Variants in LIPC observed in about 807,000 individuals in gnomAD.
The protein encoded by LIPC is lipase C, hepatic type, also known as hepatic triacylglycerol lipase.
In LIPC, 44 loss-of-function variants were observed where a neutral mutation model predicts 50.7. That is an observed-to-expected ratio of 0.87 (90% CI 0.68 to 1.11). LIPC has a LOEUF of 1.11. Ranked by LOEUF, LIPC falls within the 50% of genes most tolerant of loss-of-function variation. LIPC has a pLI of 0.00. For missense variants in LIPC, 697 were observed against 648.2 expected, an observed-to-expected ratio of 1.08 and a Z score of -0.82; for synonymous variants, 271 against 256.4, an observed-to-expected ratio of 1.06 and a Z score of -0.54.
intron 4 of LIPC, 97 bp from the exon 5 acceptor site, chr15:58,545,645 A>C: frequency 1.0e-6 from 1 of 995,436 alleles, no homozygotes; most frequent in South Asian, 1.4e-5. Flanking sequence ...TCTTCCTGCT[A>C]GTTCACTGAT....
At chr15:58,495,627 G>A (rs988748878) in intron 1 of LIPC, among the ~76,000 whole-genome samples, 8 of 152,330 alleles carry the variant, frequency 5.3e-5, no homozygotes, top group Admixed American at 3.3e-4. Context: ...TGAGGAAATT[G>A]AGGCTCAGAG....
chr15:58,449,780 T>TC lies in LIPC; in HGVS notation c.88+17666dup, dbSNP rs545164891. ...GTCTTGAACTCCTGACTTCAAGAGA[T>TC]CCCCCCTCCTCGGACTCCCAAAGTG... On this transcript the variant is annotated intron_variant, in intron 1 of 8. Transcript: ENST00000299022. Among the ~76,000 whole-genome samples, 309 of 152,218 alleles carry TC rather than the reference T, an allele frequency of 2.0e-3. 2 individuals are homozygous for TC. Among genetic ancestry groups the TC allele is most frequent in the African/African-American group, 6.8e-3 (281 of 41,524 alleles).
At chr15:58,535,305 G>A (rs1413867178) in intron 1 of LIPC, among the ~76,000 whole-genome samples, 1 of 152,190 alleles carries the variant, frequency 6.6e-6, no homozygotes, top group Non-Finnish European at 1.5e-5. Flanking sequence ...AGGGGGCCTG[G>A]GGCATAATAC....
chr15:58,513,931 A>G (rs1892409350), intron 1 of LIPC, among the ~76,000 whole-genome samples: 1 of 152,216 alleles, frequency 6.6e-6, no homozygotes, highest in African/African-American at 2.4e-5. Flanking sequence ...GCCTTTGCCA[A>G]GTTCACCCAG....
chr15:58,497,509 G>A (rs531706861), intron 1 of LIPC, among the ~76,000 whole-genome samples: 20 of 152,286 alleles, frequency 1.3e-4, no homozygotes, highest in African/African-American at 4.8e-4. Context: ...GCTATGGGGA[G>A]CATCTAGAAA....
At chr15:58,539,897 T>C (rs1385600925) in intron 2 of LIPC, among the ~76,000 whole-genome samples, 2 of 152,222 alleles carry the variant, frequency 1.3e-5, no homozygotes, top group Admixed American at 1.3e-4. Context: ...CAGGTCCTCC[T>C]GCAAGCCATT....
At chr15:58,499,995 C>T (rs575056948) in intron 1 of LIPC, among the ~76,000 whole-genome samples, 13 of 152,072 alleles carry the variant, frequency 8.5e-5, no homozygotes, top group African/African-American at 2.9e-4. Context: ...GAACTTGTGT[C>T]CAGCTGGAGT....
chr15:58,545,956 T>C lies in LIPC; in HGVS notation c.789T>C (p.Ile263=), dbSNP rs764131882. ...GCHFLELYRH[I]AQHGFNAITQ... is the part of the protein sequence containing the mutation. ...ACTTCCTAGAGCTCTACAGACATAT[T>C]GCCCAGCACGGCTTCAATGGTGAGA... The change falls in exon 5 of 9, where the codon ATT becomes ATC. Residue 263 remains isoleucine, a synonymous_variant. Transcript: ENST00000299022. The C allele has an allele frequency of 7.4e-6, 12 of 1,613,636 alleles. No individual in the cohort carries two copies. The highest frequency in any genetic ancestry group is 1.7e-5 in the Admixed American group (1 of 60,006).
At chr15:58,542,212 C>T (rs556824518) in intron 3 of LIPC, among the ~76,000 whole-genome samples, 24 of 152,256 alleles carry the variant, frequency 1.6e-4, no homozygotes, top group African/African-American at 5.5e-4. Flanking sequence ...TTATGCTCAC[C>T]CCCTTAGACA....
At chr15:58,483,503 G>C (rs1383760098) in intron 1 of LIPC, among the ~76,000 whole-genome samples, 9 of 152,210 alleles carry the variant, frequency 5.9e-5, no homozygotes, top group Non-Finnish European at 1.3e-4. Flanking sequence ...GGTGGGGTTG[G>C]AGAGGAGGCT....
intron 1 of LIPC, among the ~76,000 whole-genome samples, chr15:58,483,009 G>A (rs890635043): frequency 5.9e-5 from 9 of 152,178 alleles, no homozygotes; most frequent in African/African-American, 1.7e-4. Flanking sequence ...TTCACTCAGC[G>A]AAAGCATAGC....
intron 1 of LIPC, among the ~76,000 whole-genome samples, chr15:58,505,136 C>A (rs535135449): frequency 4.2e-4 from 64 of 152,322 alleles, no homozygotes; most frequent in African/African-American, 1.4e-3. Context: ...CTGGGAGAGG[C>A]CAACAGTCCA....
intron 1 of LIPC, among the ~76,000 whole-genome samples, chr15:58,485,971 T>C (rs1298421927): frequency 6.6e-6 from 1 of 152,202 alleles, no homozygotes; most frequent in Non-Finnish European, 1.5e-5. Flanking sequence ...CTAGAATTCA[T>C]CTAGTGAAGC....
intron 1 of LIPC, among the ~76,000 whole-genome samples, chr15:58,467,150 A>G (rs1894596765): frequency 6.6e-6 from 1 of 152,222 alleles, no homozygotes; most frequent in Non-Finnish European, 1.5e-5. Flanking sequence ...GACCCTGGGA[A>G]ATAAATCCAG....
At chr15:58,516,237 C>CTTTTTTTTTTTTTTTTTTTTTTT (rs11351202) in intron 1 of LIPC, among the ~76,000 whole-genome samples, 1 of 45,136 alleles carries the variant, frequency 2.2e-5, no homozygotes. Context: ...CCTCTAGCTT[C>CTTTTTTTTTTTTTTTTTTTTTTT]TTTTTTTTTT....
chr15:58,479,018 A>G (rs767823164), intron 1 of LIPC, among the ~76,000 whole-genome samples: 6 of 152,236 alleles, frequency 3.9e-5, no homozygotes, highest in Admixed American at 1.3e-4. Flanking sequence ...CAGATGTTCA[A>G]TGAATTCCCA....
chr15:58,459,501 C>A (rs1211479580), intron 1 of LIPC, among the ~76,000 whole-genome samples: 1 of 151,548 alleles, frequency 6.6e-6, no homozygotes, highest in Non-Finnish European at 1.5e-5. Context: ...TCCAGATTTT[C>A]AGGAAACCAG....
At chr15:58,477,814 T>C (rs561210803) in intron 1 of LIPC, among the ~76,000 whole-genome samples, 2 of 152,194 alleles carry the variant, frequency 1.3e-5, no homozygotes, top group African/African-American at 2.4e-5. Context: ...CAGGCCTCAA[T>C]AGATGGATTT....
chr15:58,543,315 C>T (rs559195404), intron 4 of LIPC, among the ~76,000 whole-genome samples: 30 of 152,054 alleles, frequency 2.0e-4, no homozygotes, highest in Non-Finnish European at 3.7e-4. Flanking sequence ...ACTGATACCA[C>T]AGGTATAAAA....
Sources: allele counts gnomAD v4.1 joint callset (sites outside exome capture counted in the v4.1 genomes callset), GRCh38; gene constraint gnomAD v4.1.1; transcripts MANE v1.5; gene names NCBI Gene and HGNC (gene_info 2026-07-23, HGNC 2026-07-21).